The following SHROOM2 variants were observed in gnomAD, a reference collection of about 807,000 sequenced individuals.
SHROOM2 encodes the protein shroom family member 2.
A neutral mutation model predicts 75.9 loss-of-function variants in SHROOM2; 33 were observed. The observed-to-expected ratio is 0.43, with a 90% CI of 0.33 to 0.58. The LOEUF is 0.58. SHROOM2 is among the 20% of genes least tolerant of loss of function. The pLI is 0.04. For missense variants in SHROOM2, 1,434 were observed against 1,461.2 expected (o/e 0.98, Z 0.30); for synonymous variants, 655 against 663.6 (o/e 0.99, Z 0.20).
At chrX:9,936,530 G>A (rs921796615) in intron 6 of SHROOM2, among the ~76,000 whole-genome samples, 5 of 112,313 alleles carry the variant, frequency 4.5e-5, no homozygotes, top group South Asian at 7.4e-4. Flanking sequence ...ACGCTAGCTT[G>A]AAGCACAGCG....
chrX:9,818,807 GCTC>G lies in SHROOM2; in HGVS notation c.165+32101_165+32103del, dbSNP rs1345332372. ...ACAAAATCAAACAGGATGTTGGCCCGCTCCTCAACTGTTTTTTCCAAATCATCA... is the reference window on the plus strand; with the variant it reads ...ACAAAATCAAACAGGATGTTGGCCCGCTCAACTGTTTTTTCCAAATCATCA... On this transcript the variant is annotated intron_variant, in intron 1 of 9. Transcript: ENST00000380913. 20 of 480,908 alleles carry G rather than the reference GCTC, an allele frequency of 4.2e-5. No homozygotes were observed. In the African/African-American group the frequency reaches 4.6e-4, roughly 11 times the overall value. The allele number at this position is 480,908 out of a possible 1,213,427, so 39.6% of individuals were successfully genotyped here. A position where few individuals can be genotyped will look rare whatever the true frequency, so the allele number is the denominator to read the frequency against.
Position 9,937,066 on chromosome X carries a change from G to C in SHROOM2, c.3588-68G>C, listed in dbSNP as rs1025064890. 4 of 1,058,478 alleles carry C rather than the reference G, an allele frequency of 3.8e-6. No individual in the cohort carries two copies. In the African/African-American group the frequency reaches 7.6e-5, roughly 20 times the overall value. The allele number at this position is 1,058,478 out of a possible 1,213,427, so 87.2% of individuals were successfully genotyped here. On this transcript the variant is annotated intron_variant, in intron 6 of 9. Transcript: ENST00000380913. ...GGTTCCCATCCAGAGGGGAGGGCAG[G>C]GGACACGTCAATCAGGGTCTGTGGC...
intron 1 of SHROOM2, among the ~76,000 whole-genome samples, chrX:9,844,440 A>T (rs945755110): frequency 9.1e-6 from 1 of 110,453 alleles, no homozygotes; most frequent in African/African-American, 3.3e-5. Flanking sequence ...AGAGCTTGGG[A>T]GGTCGGGGCT....
In SHROOM2 at chrX:9,848,230, C is replaced by T. The variant is rs767829350; in HGVS notation, c.166-25422C>T. Among the ~76,000 whole-genome samples the T allele has an allele frequency of 5.4e-5, 6 of 110,832 alleles. No individual in the cohort carries two copies. In the East Asian group the frequency reaches 1.1e-3, roughly 21 times the overall value. ...GTATGTATTGAAAAGCATGGCCGGG[C>T]GCGGTGGCTCACGCCTGTAATCCCA... is the stretch of plus-strand genomic sequence containing the variant. On this transcript the variant is annotated intron_variant, in intron 1 of 9. Transcript: ENST00000380913.
At position 9,815,868 on chromosome X, in the gene SHROOM2, C is replaced by T. The variant is rs1356680822; in HGVS notation, c.165+29158C>T. Among the ~76,000 whole-genome samples the T allele has an allele frequency of 6.3e-5, 7 of 111,626 alleles. No individual in the cohort carries two copies. In the Admixed American group the frequency reaches 6.7e-4, roughly 11 times the overall value. On this transcript the variant is annotated intron_variant, in intron 1 of 9. Transcript: ENST00000380913. ...CCCACCAGATTAAGGGTGGATCTGC[C>T]TTCCCCAGCCCACTGACTCAAATGT...
chrX:9,933,257 C>A (rs765156656), intron 6 of SHROOM2, among the ~76,000 whole-genome samples: 1 of 110,629 alleles, frequency 9.0e-6, no homozygotes, highest in African/African-American at 3.3e-5. Flanking sequence ...CCTAAGCATG[C>A]GACCTTTAGG....
At chrX:9,790,919 C>G (rs2083644189) in intron 1 of SHROOM2, among the ~76,000 whole-genome samples, 1 of 110,571 alleles carries the variant, frequency 9.0e-6, no homozygotes, top group Non-Finnish European at 1.9e-5. Flanking sequence ...AAGTCCTATT[C>G]CAGGGTCTGG....
At chrX:9,897,417 A>G (rs1322188007) in intron 4 of SHROOM2, among the ~76,000 whole-genome samples, 1 of 110,335 alleles carries the variant, frequency 9.1e-6, no homozygotes, top group East Asian at 2.8e-4. Flanking sequence ...TGATAGATGC[A>G]GTTTCTTTTT....
chrX:9,921,539 G>A (rs962187623), intron 5 of SHROOM2, among the ~76,000 whole-genome samples: 5 of 96,265 alleles, frequency 5.2e-5, no homozygotes, highest in South Asian at 4.4e-4. Context: ...AACTACAGAC[G>A]CTGCGCTGTG....
intron 1 of SHROOM2, among the ~76,000 whole-genome samples, chrX:9,850,184 C>T (rs1460463399): frequency 8.9e-6 from 1 of 112,149 alleles, no homozygotes; most frequent in African/African-American, 3.2e-5. Flanking sequence ...TCTGCAGCAC[C>T]CGGGGGCGCT....
intron 1 of SHROOM2, among the ~76,000 whole-genome samples, chrX:9,854,657 C>T (rs2084057388): frequency 9.0e-6 from 1 of 111,720 alleles, no homozygotes; most frequent in Admixed American, 9.5e-5. Flanking sequence ...GAAATAATTG[C>T]CTGACCTCTC....
chrX:9,910,781 C>T (rs769110565), intron 5 of SHROOM2, among the ~76,000 whole-genome samples: 5 of 107,500 alleles, frequency 4.7e-5, no homozygotes, highest in African/African-American at 1.7e-4. Context: ...GGTGCCACTG[C>T]GCTTTTGCCT....
intron 1 of SHROOM2, chrX:9,818,516 A>G (rs2083835073): frequency 7.2e-6 from 2 of 278,192 alleles, no homozygotes; most frequent in Non-Finnish European, 1.4e-5. Flanking sequence ...CTCCTTCAAG[A>G]TATTTGGAAT....
intron 2 of SHROOM2, among the ~76,000 whole-genome samples, chrX:9,882,717 GAGGC>G (rs1343458722): frequency 8.9e-6 from 1 of 111,845 alleles, no homozygotes; most frequent in East Asian, 2.8e-4. Flanking sequence ...TGCTAGGGGT[GAGGC>G]AGGCAGGCTG....
chrX:9,854,704 T>TG (rs201221347), intron 1 of SHROOM2, among the ~76,000 whole-genome samples: 3,444 of 111,022 alleles, frequency 0.031, 118 homozygotes, highest in African/African-American at 0.092. Flanking sequence ...AATCACAGCT[T>TG]GGGGGGCAGG....
At chrX:9,945,106 G>GT (rs373024609) in intron 9 of SHROOM2, among the ~76,000 whole-genome samples, 193 bp downstream of exon 9, 20 of 109,662 alleles carry the variant, frequency 1.8e-4, no homozygotes, top group African/African-American at 6.6e-4. Context: ...TTAGTTGTTT[G>GT]TTTGTTTGTT....
intron 1 of SHROOM2, among the ~76,000 whole-genome samples, chrX:9,826,565 G>T (rs1461766920): frequency 9.0e-6 from 1 of 110,555 alleles, no homozygotes; most frequent in Non-Finnish European, 1.9e-5. Flanking sequence ...TGAGCTCAGG[G>T]GTTCAAGAGC....
chrX:9,903,049 C>A (rs1271070758), intron 5 of SHROOM2, among the ~76,000 whole-genome samples: 1 of 112,260 alleles, frequency 8.9e-6, no homozygotes, highest in Non-Finnish European at 1.9e-5. Context: ...TATGTATAAA[C>A]AAGCTAAATG....
chrX:9,831,468 G>A (rs2083915750), intron 1 of SHROOM2, among the ~76,000 whole-genome samples: 1 of 111,414 alleles, frequency 9.0e-6, no homozygotes, highest in African/African-American at 3.3e-5. Context: ...AGACCAGCCT[G>A]ACCAGCATGG....
Sources: gnomAD v4.1 joint callset for allele counts (sites outside exome capture counted in the v4.1 genomes callset) on GRCh38, gnomAD v4.1.1 for gene constraint, MANE v1.5 for transcripts, NCBI Gene and HGNC (gene_info 2026-07-23, HGNC 2026-07-21) for gene names.